Variants in SHROOM4 observed in about 807,000 individuals in gnomAD.
The protein encoded by SHROOM4 is shroom family member 4.
SHROOM4 carries 17 observed loss-of-function variants against 80.3 expected under a neutral mutation model. The observed-to-expected ratio is 0.21, with a 90% CI of 0.14 to 0.32. SHROOM4 has a LOEUF of 0.32. Among genes scored for constraint, SHROOM4 ranks in the 10% least tolerant of loss-of-function variants. The pLI is 1.00. For synonymous variants in SHROOM4, 400 were observed against 437.5 expected (o/e 0.91, Z 1.07); for missense variants, 993 against 1,140.3 (o/e 0.87, Z 1.86).
rs1408334411 is a variant in SHROOM4 at position 50,596,355 on chromosome X, T to C, written c.*340A>G. 3 of 393,791 alleles carry C rather than the reference T, an allele frequency of 7.6e-6. No homozygotes were observed. Among genetic ancestry groups the C allele is most frequent in the Non-Finnish European group, 9.4e-6 (2 of 211,836 alleles). The allele number at this position is 393,791 out of a possible 1,213,427, so 32.5% of individuals were successfully genotyped here. A position where few individuals can be genotyped will look rare whatever the true frequency, so the allele number is the denominator to read the frequency against. On this transcript the variant is annotated 3_prime_UTR_variant, in exon 9 of 9. Coordinates refer to ENST00000376020, the MANE Select transcript of SHROOM4 (RefSeq NM_020717.5). ...GGCTGTTGATGATATGGGTGGGTGA[T>C]GAGTACTTGATGTCTTTGGTGTCCT...
At chrX:50,579,247 A>G in the SHROOM4 span, among the ~76,000 whole-genome samples, 1 of 112,356 alleles carries the variant, frequency 8.9e-6, no homozygotes, top group South Asian at 3.7e-4. Flanking sequence ...ATAGGAAAGA[A>G]GAAAAATATA....
At chrX:50,675,545 G>A (rs1397551444) in intron 2 of SHROOM4, among the ~76,000 whole-genome samples, 1 of 110,711 alleles carries the variant, frequency 9.0e-6, no homozygotes, top group Non-Finnish European at 1.9e-5. Flanking sequence ...TCTGGATGGG[G>A]GGAAAGTATT....
At chrX:50,807,788 A>G (rs782280259) in intron 1 of SHROOM4, among the ~76,000 whole-genome samples, 7 of 111,382 alleles carry the variant, frequency 6.3e-5, no homozygotes, top group Non-Finnish European at 1.3e-4. Context: ...GTCCCTCCCA[A>G]ATCTATTATG....
At chrX:50,736,923 C>A (rs1934508428) in intron 1 of SHROOM4, among the ~76,000 whole-genome samples, 1 of 111,806 alleles carries the variant, frequency 8.9e-6, no homozygotes, top group Non-Finnish European at 1.9e-5. Flanking sequence ...TGGTGAAGAC[C>A]AGTATGTCTT....
At chrX:50,624,270 A>G (rs573410668) in intron 5 of SHROOM4, among the ~76,000 whole-genome samples, 1 of 111,776 alleles carries the variant, frequency 8.9e-6, no homozygotes, top group South Asian at 3.8e-4. Flanking sequence ...CTACCGCTTT[A>G]CTGAATTTGC....
rs1039299032 is a variant in SHROOM4 at position 50,720,799 on chromosome X, G to A, written c.118-24862C>T. ...CCTAATGGAGAAAAAGATGGAAAGCGCATTCATTCCTGGCTGAAGGAATAG... is the reference window on the plus strand; with the variant it reads ...CCTAATGGAGAAAAAGATGGAAAGCACATTCATTCCTGGCTGAAGGAATAG... On this transcript the variant is annotated intron_variant, in intron 1 of 8. Coordinates refer to ENST00000376020, the MANE Select transcript of SHROOM4 (RefSeq NM_020717.5). Among the ~76,000 whole-genome samples, 29 of 111,503 alleles carry A rather than the reference G, an allele frequency of 2.6e-4. 1 individual carries two copies. Among genetic ancestry groups the A allele is most frequent in the South Asian group, 3.8e-4 (1 of 2,598 alleles).
intron 1 of SHROOM4, among the ~76,000 whole-genome samples, chrX:50,789,820 C>A (rs1252192461): frequency 4.5e-5 from 5 of 111,969 alleles, no homozygotes; most frequent in African/African-American, 1.6e-4. Flanking sequence ...ACAACTGATA[C>A]CACAATTACA....
intron 1 of SHROOM4, among the ~76,000 whole-genome samples, chrX:50,732,118 G>A (rs1045038816): frequency 9.0e-6 from 1 of 111,583 alleles, no homozygotes; most frequent in Non-Finnish European, 1.9e-5. Context: ...AGAATAATTG[G>A]CCTTCAATTG....
At chrX:50,749,356 G>A (rs1039133048) in intron 1 of SHROOM4, among the ~76,000 whole-genome samples, 2 of 112,316 alleles carry the variant, frequency 1.8e-5, no homozygotes, top group Non-Finnish European at 3.8e-5. Context: ...TCACTCATCA[G>A]CATTTCCCTG....
chrX:50,758,578 G>A (rs1421088011), intron 1 of SHROOM4, among the ~76,000 whole-genome samples: 3 of 111,977 alleles, frequency 2.7e-5, no homozygotes, highest in Non-Finnish European at 5.6e-5. Context: ...TGGTCATGGC[G>A]TATAATTATT....
intron 1 of SHROOM4, among the ~76,000 whole-genome samples, chrX:50,731,163 T>C (rs1934361704): frequency 9.1e-6 from 1 of 109,965 alleles, no homozygotes; most frequent in African/African-American, 3.3e-5. Flanking sequence ...CCTCTGGAAA[T>C]GGTCCTAAGG....
At chrX:50,709,804 T>C (rs192394785) in intron 1 of SHROOM4, among the ~76,000 whole-genome samples, 13 of 111,988 alleles carry the variant, frequency 1.2e-4, no homozygotes, top group African/African-American at 3.9e-4. Context: ...AGAGCAGTGG[T>C]TCTCAAAGTG....
intron 2 of SHROOM4, among the ~76,000 whole-genome samples, chrX:50,652,001 G>C (rs906972311): frequency 3.6e-5 from 4 of 111,592 alleles, no homozygotes; most frequent in Admixed American, 1.9e-4. Flanking sequence ...ATTTGGGTTG[G>C]TTCCAAGTCT....
intron 4 of SHROOM4, among the ~76,000 whole-genome samples, chrX:50,630,182 G>A (rs1283201881): frequency 9.0e-6 from 1 of 110,837 alleles, no homozygotes; most frequent in Non-Finnish European, 1.9e-5. Context: ...CTCTTATAGA[G>A]CTGCTGGTCC....
chrX:50,630,581 TTATGAA>T (rs1196191913), intron 4 of SHROOM4, among the ~76,000 whole-genome samples: 1 of 111,288 alleles, frequency 9.0e-6, no homozygotes, highest in East Asian at 2.8e-4. Flanking sequence ...TTTTTCAACA[TTATGAA>T]TATATTCAAA....
chrX:50,602,652 T>G lies in SHROOM4; in HGVS notation c.3923A>C (p.His1308Pro). The G allele has an allele frequency of 1.7e-6, 2 of 1,211,733 alleles. No individual in the cohort carries two copies. Among genetic ancestry groups the G allele is most frequent in the Non-Finnish European group, 1.1e-6 (1 of 895,518 alleles). Residue 1308 changes from histidine (H) to proline (P), a missense_variant, in exon 7 of 9, where the codon CAT becomes CCT. Transcript: ENST00000376020. ...EIGLGEEEVD[H>P]ELAQKKIQLI... The stretch of plus-strand genomic sequence containing the variant: ...CTTTACCTTTTTTTGAGCCAGTTCA[T>G]GGTCAACTTCCTCCTCTCCTAGGCC...
Position 50,694,543 on chromosome X carries a change from A to ATTTTTTTTTTTTTTTTTTTTTTTT in SHROOM4, c.269+1219_269+1242dup, listed in dbSNP as rs782530547. 5.6e-4 allele frequency among the ~76,000 whole-genome samples: 7 copies of ATTTTTTTTTTTTTTTTTTTTTTTT among 12,494 alleles called. 3 individuals carry two copies. Among genetic ancestry groups the ATTTTTTTTTTTTTTTTTTTTTTTT allele is most frequent in the East Asian group, 7.8e-3 (2 of 258 alleles). The allele number at this position is 12,494 out of a possible 115,157, so 10.8% of individuals were successfully genotyped here. A position where few individuals can be genotyped will look rare whatever the true frequency, so the allele number is the denominator to read the frequency against. ...AGGTCTTTGCCCATTTTTAAGTTGG[A>ATTTTTTTTTTTTTTTTTTTTTTTT]TTTTTTTTTTTTTTTTTTTTTTTTT... is the stretch of plus-strand genomic sequence containing the variant. On this transcript the variant is annotated intron_variant, in intron 2 of 8. Transcript: ENST00000376020.
intron 2 of SHROOM4, among the ~76,000 whole-genome samples, chrX:50,638,667 T>A (rs1193265620): frequency 8.9e-6 from 1 of 112,727 alleles, no homozygotes; most frequent in Non-Finnish European, 1.9e-5. Context: ...ATCTGGTCAA[T>A]CTTCCCATTT....
chrX:50,627,108 A>T (rs1602380879), intron 5 of SHROOM4, among the ~76,000 whole-genome samples: 1 of 111,869 alleles, frequency 8.9e-6, no homozygotes, highest in East Asian at 2.8e-4. Flanking sequence ...TGGAGAGACT[A>T]ATATTACCAA....
Sources: allele counts gnomAD v4.1 joint callset (sites outside exome capture counted in the v4.1 genomes callset), GRCh38; gene constraint gnomAD v4.1.1; transcripts MANE v1.5; gene names NCBI Gene and HGNC (gene_info 2026-07-23, HGNC 2026-07-21).